The following CNTN4 variants were observed in gnomAD, a reference collection of about 807,000 sequenced individuals.
The protein encoded by CNTN4 is contactin 4.
A neutral mutation model predicts 122.5 loss-of-function variants in CNTN4; 77 were observed. That is an observed-to-expected ratio of 0.63 (90% CI 0.52 to 0.76). The LOEUF (loss-of-function observed/expected upper bound fraction) is 0.76. Ranked by LOEUF, CNTN4 falls within the 30% of genes least tolerant of loss-of-function variation. The probability of loss-of-function intolerance (pLI) is 0.00; values close to 1 mark genes in which losing one functional copy is unlikely to be tolerated. For missense variants in CNTN4, 1,256 were observed against 1,259.1 expected, an observed-to-expected ratio of 1.00 and a Z score of 0.04; for synonymous variants, 512 against 447.0, an observed-to-expected ratio of 1.15 and a Z score of -1.83.
intron 4 of CNTN4, among the ~76,000 whole-genome samples, chr3:2,682,738 T>C (rs532931834): frequency 4.8e-4 from 73 of 152,176 alleles, no homozygotes; most frequent in Non-Finnish European, 9.7e-4. Flanking sequence ...AAATTCCTAA[T>C]TACTGAAAAT....
chr3:2,109,792 G>C (rs1041393745), intron 2 of CNTN4, among the ~76,000 whole-genome samples: 1 of 152,124 alleles, frequency 6.6e-6, no homozygotes, highest in Non-Finnish European at 1.5e-5. Context: ...TCACTCATTT[G>C]ATTAGCTATT....
rs150574466 is a variant in CNTN4, at chr3:2,298,529, C to T, written c.-144-40649C>T. On this transcript the variant is annotated intron_variant, in intron 2 of 24. Transcript: ENST00000418658. Reference sequence around the variant, plus strand: ...TCTTTCTTCTGTCCCCCGACTCTTGCCTCTTTCTTAGTCTCTCCGTCCATA... The same window carrying T: ...TCTTTCTTCTGTCCCCCGACTCTTGTCTCTTTCTTAGTCTCTCCGTCCATA... 1.8e-3 allele frequency among the ~76,000 whole-genome samples: 272 copies of T among 152,172 alleles called. 1 individual carries two copies. Among genetic ancestry groups the T allele is most frequent in the African/African-American group, 6.0e-3 (249 of 41,524 alleles).
intron 13 of CNTN4, among the ~76,000 whole-genome samples, chr3:2,982,438 G>A (rs77535904): frequency 0.014 from 2,161 of 152,236 alleles, 59 homozygotes; most frequent in African/African-American, 0.049. Context: ...GACTTCCACC[G>A]TGGACAGAAA....
chr3:2,330,479 T>G (rs2043673548), intron 2 of CNTN4, among the ~76,000 whole-genome samples: 1 of 152,128 alleles, frequency 6.6e-6, no homozygotes, highest in African/African-American at 2.4e-5. Flanking sequence ...CTTATCACTT[T>G]GGAGATTCCA....
At position 2,180,099 on chromosome 3, in the gene CNTN4, A is replaced by G. The variant is rs918591281; in HGVS notation, c.-145+79460A>G. On this transcript the variant is annotated intron_variant, in intron 2 of 24. Coordinates refer to ENST00000418658, the MANE Select transcript of CNTN4 (RefSeq NM_175607.3). ...TATGTTGATTGTATCTACATGGTAG[A>G]TAAAGGAGAGTCCTAATTAATAGTT... Among the ~76,000 whole-genome samples the G allele has an allele frequency of 2.0e-5, 3 of 151,912 alleles. No homozygotes were observed. The South Asian group carries it at 6.2e-4, about 31-fold the overall frequency.
chr3:2,106,824 C>T (rs185082711), intron 2 of CNTN4, among the ~76,000 whole-genome samples: 59 of 152,334 alleles, frequency 3.9e-4, no homozygotes, highest in African/African-American at 1.3e-3. Flanking sequence ...GCAAATTTTT[C>T]AAACCTTTTT....
At chr3:2,856,284 A>G (rs1577067419) in intron 7 of CNTN4, among the ~76,000 whole-genome samples, 2 of 91,754 alleles carry the variant, frequency 2.2e-5, no homozygotes, top group African/African-American at 1.2e-4. Context: ...CGTGTGAAAT[A>G]ATGGGCTGGT....
intron 4 of CNTN4, among the ~76,000 whole-genome samples, chr3:2,705,897 AT>A (rs1220349416): frequency 0.017 from 1,067 of 61,706 alleles, 25 homozygotes; most frequent in African/African-American, 0.05. Flanking sequence ...AATATATAAA[AT>A]ATATATTATA....
At chr3:2,413,351 T>C (rs1469172059) in intron 3 of CNTN4, among the ~76,000 whole-genome samples, 1 of 152,222 alleles carries the variant, frequency 6.6e-6, no homozygotes, top group Admixed American at 6.5e-5. Flanking sequence ...CTGCTGTGAA[T>C]AACAAAAGAA....
At chr3:3,005,909 G>C (rs1277077332) in intron 14 of CNTN4, among the ~76,000 whole-genome samples, 1 of 137,300 alleles carries the variant, frequency 7.3e-6, no homozygotes, top group Non-Finnish European at 1.5e-5. Context: ...TTTTTGAGAC[G>C]GATTCTCACT....
chr3:2,180,076 T>C (rs1018418261), intron 2 of CNTN4, among the ~76,000 whole-genome samples: 1 of 151,770 alleles, frequency 6.6e-6, no homozygotes, highest in Non-Finnish European at 1.5e-5. Context: ...GGTGCATATA[T>C]GTTGATTGTA....
chr3:2,314,244 A>G (rs1391563247), intron 2 of CNTN4, among the ~76,000 whole-genome samples: 1 of 152,028 alleles, frequency 6.6e-6, no homozygotes, highest in Non-Finnish European at 1.5e-5. Flanking sequence ...ATTTAGTTTC[A>G]TGCACACACA....
chr3:2,855,653 G>C (rs1577066100), intron 7 of CNTN4, among the ~76,000 whole-genome samples: 1 of 152,170 alleles, frequency 6.6e-6, no homozygotes, highest in Non-Finnish European at 1.5e-5. Context: ...ACTGTGATCT[G>C]ACCTGTGTCC....
intron 2 of CNTN4, among the ~76,000 whole-genome samples, chr3:2,317,577 C>A (rs2043147614): frequency 6.6e-6 from 1 of 152,286 alleles, no homozygotes; most frequent in African/African-American, 2.4e-5. Context: ...CGAGGCATTT[C>A]TTTATGTGTA....
intron 3 of CNTN4, among the ~76,000 whole-genome samples, chr3:2,466,946 T>C (rs567687627): frequency 1.7e-4 from 26 of 148,622 alleles, no homozygotes; most frequent in East Asian, 2.0e-4. Context: ...AAATTAGTTT[T>C]TTTCTTTCTT....
At chr3:2,740,637 CTA>C (rs1386457837) in intron 5 of CNTN4, among the ~76,000 whole-genome samples, 2 of 131,940 alleles carry the variant, frequency 1.5e-5, no homozygotes, top group Admixed American at 1.7e-4. Context: ...TATTATGCCT[CTA>C]TTCAAATTTG....
At chr3:2,932,886 G>A (rs898544847) in intron 13 of CNTN4, among the ~76,000 whole-genome samples, 12 of 152,014 alleles carry the variant, frequency 7.9e-5, no homozygotes, top group African/African-American at 2.2e-4. Flanking sequence ...GCAGTGGCGC[G>A]ATCTCGGCTC....
intron 4 of CNTN4, among the ~76,000 whole-genome samples, chr3:2,580,633 A>G (rs546359988): frequency 3.9e-5 from 6 of 152,186 alleles, no homozygotes; most frequent in South Asian, 2.1e-4. Context: ...ATGTAGCCCC[A>G]CTTAATAATG....
chr3:2,534,063 C>T (rs1415132931), intron 3 of CNTN4, among the ~76,000 whole-genome samples: 1 of 151,952 alleles, frequency 6.6e-6, no homozygotes, highest in Non-Finnish European at 1.5e-5. Context: ...GTTGCCTGTT[C>T]ACTCTGATGG....
Sources: allele counts gnomAD v4.1 joint callset (sites outside exome capture counted in the v4.1 genomes callset), GRCh38; gene constraint gnomAD v4.1.1; transcripts MANE v1.5; gene names NCBI Gene and HGNC (gene_info 2026-07-23, HGNC 2026-07-21).